TNS3: variants seen among roughly 807,000 people sequenced by gnomAD.
TNS3 encodes the protein tensin 3, also known as tensin-3.
TNS3 carries 45 observed loss-of-function variants against 140.9 expected under a neutral mutation model. That is an observed-to-expected ratio of 0.32 (90% CI 0.25 to 0.41). The LOEUF (loss-of-function observed/expected upper bound fraction) is 0.41, where lower values mean the gene tolerates loss of function less well. Ranked by LOEUF, TNS3 falls within the 10% of genes least tolerant of loss-of-function variation. The pLI, the probability that TNS3 is intolerant of heterozygous loss-of-function variation, is 1.00. For missense variants in TNS3, 1,716 were observed against 1,906.7 expected, an observed-to-expected ratio of 0.90 and a Z score of 1.86; for synonymous variants, 815 against 788.4, an observed-to-expected ratio of 1.03 and a Z score of -0.56.
chr7:47,360,482 C>G (rs1478475373), intron 17 of TNS3, among the ~76,000 whole-genome samples: 1 of 152,238 alleles, frequency 6.6e-6, no homozygotes, highest in South Asian at 2.1e-4. Flanking sequence ...GGGGCCCTGG[C>G]TCCTTGGCTC....
Position 47,407,434 on chromosome 7 carries a change from C to T in TNS3, c.723+4293G>A, listed in dbSNP as rs1191568738. Among the ~76,000 whole-genome samples, 1 of 152,224 alleles carries T rather than the reference C, an allele frequency of 6.6e-6. No homozygotes were observed. The highest frequency in any genetic ancestry group is 1.5e-5 in the Non-Finnish European group (1 of 68,044). ...AGCCCTGCACTGCCCACTCACGTGT[C>T]CACCGCATCTTCTCATGCAGGCCGC... On this transcript the variant is annotated intron_variant, in intron 13 of 30. Transcript: ENST00000311160. The surrounding 1 kb of genome is among the most constrained non-coding windows in gnomAD (Gnocchi z 4.1).
chr7:47,549,958 C>G (rs1033527122), intron 1 of TNS3, among the ~76,000 whole-genome samples: 1 of 113,600 alleles, frequency 8.8e-6, no homozygotes, highest in Non-Finnish European at 1.6e-5. Flanking sequence ...AACCTAGTTA[C>G]TTCGTTTGGC....
At chr7:47,409,653 C>A (rs74302667) in intron 13 of TNS3, among the ~76,000 whole-genome samples, 3,824 of 150,282 alleles carry the variant, frequency 0.025, 75 homozygotes, top group East Asian at 0.076. Flanking sequence ...CCTCTCTTGG[C>A]CTATTCTTTT....
At chr7:47,291,378 A>G (rs1785689962) in intron 27 of TNS3, among the ~76,000 whole-genome samples, 1 of 152,182 alleles carries the variant, frequency 6.6e-6, no homozygotes, top group Non-Finnish European at 1.5e-5. Context: ...CATCAACCAT[A>G]ACATGTGCAT....
intron 1 of TNS3, among the ~76,000 whole-genome samples, chr7:47,556,355 G>A (rs533586341): frequency 1.4e-3 from 220 of 152,222 alleles, no homozygotes; most frequent in Non-Finnish European, 2.3e-3. Flanking sequence ...TCCTCATCCT[G>A]AGACACACTA....
At position 47,582,042 on chromosome 7, in the gene TNS3, C is replaced by T. The variant is rs968753559; in HGVS notation, c.-265+9G>A. 46 of 152,202 alleles carry T rather than the reference C, an allele frequency of 3.0e-4. No homozygotes were observed. Among genetic ancestry groups the T allele is most frequent in the African/African-American group, 9.9e-4 (41 of 41,564 alleles). The allele number at this position is 152,202 out of a possible 1,614,324, so 9.4% of individuals were successfully genotyped here. A position where few individuals can be genotyped will look rare whatever the true frequency, so the allele number is the denominator to read the frequency against. On this transcript the variant is annotated intron_variant, in intron 1 of 30. Coordinates refer to ENST00000311160, the MANE Select transcript of TNS3 (RefSeq NM_022748.12). ...GTGGCCGCGTTTCCTCCTTCCCCGG[C>T]CCCAGTACCTGGGGGAGCCTGAGGC...
At chr7:47,376,537 G>T (rs79300732) in intron 16 of TNS3, among the ~76,000 whole-genome samples, 1 of 152,144 alleles carries the variant, frequency 6.6e-6, no homozygotes, top group African/African-American at 2.4e-5. Context: ...AGCAGGAAAC[G>T]GGAAGTCCAT....
At chr7:47,543,059 A>C (rs567536233) in intron 1 of TNS3, among the ~76,000 whole-genome samples, 2 of 152,268 alleles carry the variant, frequency 1.3e-5, no homozygotes, top group South Asian at 2.1e-4. Flanking sequence ...CTCCTTGTCC[A>C]AAGGTGGGAA....
At chr7:47,324,672 A>C (rs969140454) in intron 20 of TNS3, among the ~76,000 whole-genome samples, 2 of 152,192 alleles carry the variant, frequency 1.3e-5, no homozygotes, top group African/African-American at 2.4e-5. Context: ...GAATCACTTG[A>C]ACCTGGGAGG....
intron 3 of TNS3, among the ~76,000 whole-genome samples, chr7:47,494,137 C>A (rs1404556228): frequency 6.6e-6 from 1 of 152,240 alleles, no homozygotes; most frequent in African/African-American, 2.4e-5. Context: ...CAAAATCCTG[C>A]CAGTGGCATT....
rs1187301485 is a variant in TNS3 at position 47,369,239 on chromosome 7, A to C, written c.1407T>G (p.Ala469=). 6.2e-7 allele frequency: 1 copy of C among 1,614,000 alleles called. No individual in the cohort carries two copies. The highest frequency in any genetic ancestry group is 1.3e-5 in the African/African-American group (1 of 74,890). ...PAQVHVNGDA[A]LKDRETDILD... Reference sequence around the variant, plus strand: ...GAATGTCTGTCTCCCGATCCTTCAGAGCAGCGTCTCCATTCACGTGAACCT... The same window carrying C: ...GAATGTCTGTCTCCCGATCCTTCAGCGCAGCGTCTCCATTCACGTGAACCT... The change falls in exon 17 of 31, where the codon GCT becomes GCG. Residue 469 remains alanine, a synonymous_variant. Transcript: ENST00000311160.
At chr7:47,514,225 C>T (rs948553483) in intron 2 of TNS3, among the ~76,000 whole-genome samples, 3 of 152,230 alleles carry the variant, frequency 2.0e-5, no homozygotes, top group African/African-American at 7.2e-5. Context: ...ACAAGGCCTG[C>T]CCAATGCCCA....
intron 3 of TNS3, among the ~76,000 whole-genome samples, chr7:47,489,370 CGGCTCTT>C (rs2151821230): frequency 6.6e-6 from 1 of 152,316 alleles, no homozygotes; most frequent in South Asian, 2.1e-4. Context: ...GGCTTGGTCT[CGGCTCTT>C]CTCACCTCTA....
intron 28 of TNS3, 145 bp from the exon 29 acceptor site, chr7:47,280,499 A>G: frequency 1.3e-6 from 1 of 780,634 alleles, no homozygotes; most frequent in South Asian, 1.5e-5. Context: ...GAGAGAAGAA[A>G]GTGCGTGCTC....
At chr7:47,540,108 T>C (rs1269433872) in intron 1 of TNS3, among the ~76,000 whole-genome samples, 2 of 152,210 alleles carry the variant, frequency 1.3e-5, no homozygotes, top group South Asian at 2.1e-4. Context: ...TCTGTGCTTT[T>C]TACTCGCCAG....
intron 20 of TNS3, among the ~76,000 whole-genome samples, chr7:47,312,357 C>G (rs982855395): frequency 2.0e-5 from 3 of 152,194 alleles, no homozygotes; most frequent in Non-Finnish European, 4.4e-5. Context: ...ATTCCCAGTA[C>G]TAAGATGACT....
At chr7:47,437,699 A>AT (rs1012872270) in intron 6 of TNS3, among the ~76,000 whole-genome samples, 9 of 148,006 alleles carry the variant, frequency 6.1e-5, no homozygotes, top group Non-Finnish European at 1.0e-4. Flanking sequence ...CTGTGTTACT[A>AT]TTTTTTTTTA....
intron 1 of TNS3, among the ~76,000 whole-genome samples, chr7:47,570,159 G>GA (rs1449649192): frequency 1.3e-5 from 2 of 152,122 alleles, no homozygotes; most frequent in African/African-American, 4.8e-5. Flanking sequence ...TCAATAAAAA[G>GA]AAAAAATAAA....
chr7:47,398,882 C>CT (rs1792986350), intron 15 of TNS3, among the ~76,000 whole-genome samples: 2 of 152,030 alleles, frequency 1.3e-5, no homozygotes, highest in South Asian at 2.1e-4. Context: ...GGAATTAAAA[C>CT]TGTTGCTATT....
Sources: gnomAD v4.1 joint callset for allele counts (sites outside exome capture counted in the v4.1 genomes callset) on GRCh38, gnomAD v4.1.1 for gene constraint, Gnocchi (gnomAD v3.1) non-coding constraint, MANE v1.5 for transcripts, NCBI Gene and HGNC (gene_info 2026-07-23, HGNC 2026-07-21) for gene names.